The following TMEM175 variants were observed in gnomAD, a reference collection of about 807,000 sequenced individuals.
TMEM175 encodes the protein transmembrane protein 175, also known as endosomal/lysosomal proton channel TMEM175.
Under a neutral mutation model 36.5 loss-of-function variants are expected in TMEM175, and 36 were observed. The ratio of observed to expected loss-of-function variants is 0.99; its 90% CI spans 0.76 to 1.30. TMEM175 has a LOEUF of 1.30. TMEM175 is among the 50% of genes most tolerant of loss of function. The probability of loss-of-function intolerance (pLI) is 0.00; values close to 1 mark genes in which losing one functional copy is unlikely to be tolerated. For synonymous variants in TMEM175, 339 were observed against 313.4 expected (o/e 1.08, Z -0.86); for missense variants, 705 against 692.8 (o/e 1.02, Z -0.20).
At chr4:952,847 A>G (rs2153003461) in intron 7 of TMEM175, among the ~76,000 whole-genome samples, 1 of 152,002 alleles carries the variant, frequency 6.6e-6, no homozygotes, top group South Asian at 2.1e-4. Context: ...GAGGCCACCT[A>G]CACACATAGG....
At chr4:945,172 G>T (rs11728368) in intron 1 of TMEM175, among the ~76,000 whole-genome samples, 41 of 151,838 alleles carry the variant, frequency 2.7e-4, no homozygotes, top group Admixed American at 3.3e-4. Context: ...GGCAGTCCCA[G>T]TGAGACTGCC....
chr4:948,671 A>G, intron 3 of TMEM175: 1 of 1,212,442 alleles, frequency 8.2e-7, no homozygotes. Flanking sequence ...TCTGAGCTAA[A>G]GAGCCAAACA....
chr4:939,139 A>G (rs181096098), intron 1 of TMEM175, among the ~76,000 whole-genome samples: 53 of 152,368 alleles, frequency 3.5e-4, no homozygotes, highest in Non-Finnish European at 6.0e-4. Flanking sequence ...AAAGATAGCT[A>G]AGTAGGTAAA....
chr4:952,917 A>AC (rs1560493710), intron 7 of TMEM175, among the ~76,000 whole-genome samples: 3 of 151,306 alleles, frequency 2.0e-5, no homozygotes, highest in Non-Finnish European at 2.9e-5. Flanking sequence ...GGGCCCTGAG[A>AC]CCCCCCACAT....
chr4:935,111 G>T (rs1283832699), intron 1 of TMEM175, among the ~76,000 whole-genome samples: 24 of 152,196 alleles, frequency 1.6e-4, no homozygotes, highest in Admixed American at 1.6e-3. Flanking sequence ...GCACTCATCT[G>T]GAGGCCATGA....
intron 1 of TMEM175, among the ~76,000 whole-genome samples, chr4:941,476 T>C (rs1404457575): frequency 6.6e-6 from 1 of 150,592 alleles, no homozygotes; most frequent in Non-Finnish European, 1.5e-5. Flanking sequence ...TCTGGCTCTG[T>C]CACTCAGGTT....
rs750165126 is a variant in TMEM175 at position 955,383 on chromosome 4, C to T, written c.628-22C>T. The T allele has an allele frequency of 2.3e-5, 37 of 1,608,136 alleles. No individual in the cohort carries two copies. In the East Asian group the frequency reaches 4.2e-4, roughly 18 times the overall value. ...CTCGGACCCCTGTGGAGGGCACTGA[C>T]CTGCGGTTTGTCTCCCTGCAGTCTT... On this transcript the variant is annotated intron_variant, in intron 8 of 10. Transcript: ENST00000264771.
chr4:953,283 C>T lies in TMEM175; in HGVS notation c.556C>T (p.Leu186=). Residue 186 remains leucine, a synonymous_variant, in exon 8 of 11, where the codon CTG becomes TTG. Transcript: ENST00000264771. Reference sequence around the variant, plus strand: ...CAGGGCTCTGTACCGACGACACGTCCTGGGCATCGTCCTCCAAGGCCCGGC... The same window carrying T: ...CAGGGCTCTGTACCGACGACACGTCTTGGGCATCGTCCTCCAAGGCCCGGC... ...AHRALYRRHV[L]GIVLQGPALC... 6.2e-7 allele frequency: 1 copy of T among 1,614,146 alleles called. No homozygotes were observed. The highest frequency in any genetic ancestry group is 1.1e-5 in the South Asian group (1 of 91,090).
At chr4:942,636 CTTTT>C (rs879382397) in intron 1 of TMEM175, among the ~76,000 whole-genome samples, 4 of 137,704 alleles carry the variant, frequency 2.9e-5, no homozygotes, top group Non-Finnish European at 4.8e-5. Flanking sequence ...CTTGAATTTT[CTTTT>C]TTTTTTTTTT....
Position 958,195 on chromosome 4 carries a change from T to C in TMEM175, c.1214T>C (p.Leu405Pro). 1.2e-6 allele frequency: 2 copies of C among 1,602,984 alleles called. No individual in the cohort carries two copies. Among genetic ancestry groups the C allele is most frequent in the Non-Finnish European group, 1.7e-6 (2 of 1,177,546 alleles). ...TTALLHQAETLQPSVWFGGRE... is the reference protein window; with the variant it reads ...TTALLHQAETPQPSVWFGGRE... ...GCGCTGCTGCACCAGGCGGAGACGCTGCAGCCCTCGGTGTGGTTTGGCGGC... is the reference window on the plus strand; with the variant it reads ...GCGCTGCTGCACCAGGCGGAGACGCCGCAGCCCTCGGTGTGGTTTGGCGGC... The change falls in exon 11 of 11, where the codon CTG (leucine) becomes CCG (proline). Residue 405 changes from leucine (L) to proline (P), a missense_variant. Coordinates refer to ENST00000264771, the MANE Select transcript of TMEM175 (RefSeq NM_032326.4).
chr4:948,535 C>A, intron 3 of TMEM175: 4 of 1,367,266 alleles, frequency 2.9e-6, no homozygotes, highest in Non-Finnish European at 3.8e-6. Context: ...AGGCCCCTTA[C>A]GTAGCTGCTC....
intron 6 of TMEM175, 28 bp from the exon 7 acceptor site, chr4:952,339 G>C: frequency 6.2e-7 from 1 of 1,601,554 alleles, no homozygotes; most frequent in Non-Finnish European, 8.5e-7. Context: ...GGATTTGGGG[G>C]GGTTTGGTTT....
At chr4:951,351 G>A in intron 5 of TMEM175, 93 bp downstream of exon 5, 2 of 1,401,364 alleles carry the variant, frequency 1.4e-6, no homozygotes, top group Non-Finnish European at 2.0e-6. Flanking sequence ...CCTCTCTCGT[G>A]ACCTCCAGGG....
intron 1 of TMEM175, among the ~76,000 whole-genome samples, chr4:936,800 T>C (rs942052198): frequency 6.6e-6 from 1 of 152,010 alleles, no homozygotes; most frequent in Non-Finnish European, 1.5e-5. Flanking sequence ...CTAAAAAAGA[T>C]ACAAAAATTA....
chr4:941,691 C>T (rs892491612), intron 1 of TMEM175, among the ~76,000 whole-genome samples: 4 of 152,040 alleles, frequency 2.6e-5, no homozygotes, highest in African/African-American at 9.7e-5. Flanking sequence ...CCACCTTGGC[C>T]TCCCAAAGTA....
At chr4:952,964 T>C (rs1729138287) in intron 7 of TMEM175, among the ~76,000 whole-genome samples, 1 of 151,784 alleles carries the variant, frequency 6.6e-6, no homozygotes, top group Admixed American at 6.6e-5. Flanking sequence ...CTGTTCTCTC[T>C]CCACCTCAGC....
intron 7 of TMEM175, 141 bp downstream of exon 7, chr4:952,591 G>C: frequency 1.5e-6 from 1 of 661,702 alleles, no homozygotes; most frequent in Non-Finnish European, 2.5e-6. Flanking sequence ...GTGTGTGTGT[G>C]TTCACCATCA....
At chr4:952,611 G>C (rs539077186) in intron 7 of TMEM175, among the ~76,000 whole-genome samples, 161 bp downstream of exon 7, 1 of 138,924 alleles carries the variant, frequency 7.2e-6, no homozygotes, top group East Asian at 2.2e-4. Context: ...AGCCCTCTTG[G>C]GGCCTGGGGT....
chr4:951,545 G>T, intron 5 of TMEM175, 137 bp from the exon 6 acceptor site: 1 of 1,148,554 alleles, frequency 8.7e-7, no homozygotes, highest in Non-Finnish European at 1.3e-6. Flanking sequence ...TGCAGGGTCT[G>T]GGGGCTGGAC....
Sources: allele counts gnomAD v4.1 joint callset (sites outside exome capture counted in the v4.1 genomes callset), GRCh38; gene constraint gnomAD v4.1.1; transcripts MANE v1.5; gene names NCBI Gene and HGNC (gene_info 2026-07-23, HGNC 2026-07-21).